GRAMD1B: variants seen among roughly 807,000 people sequenced by gnomAD.
GRAMD1B encodes GRAM domain containing 1B.
Under a neutral mutation model 99.7 loss-of-function variants are expected in GRAMD1B, and 37 were observed. The ratio of observed to expected loss-of-function variants is 0.37; its 90% CI spans 0.29 to 0.49. The LOEUF (loss-of-function observed/expected upper bound fraction) is 0.49. GRAMD1B is among the 20% of genes least tolerant of loss of function. The probability of loss-of-function intolerance (pLI) is 0.98; values close to 1 mark genes in which losing one functional copy is unlikely to be tolerated. For synonymous variants in GRAMD1B, 427 were observed against 387.6 expected, an observed-to-expected ratio of 1.10 and a Z score of -1.19; for missense variants, 888 against 1,009.2, an observed-to-expected ratio of 0.88 and a Z score of 1.63.
chr11:123,609,544 G>A lies in GRAMD1B; in HGVS notation c.1658-251G>A, dbSNP rs1036025710. Among the ~76,000 whole-genome samples, 6 of 152,202 alleles carry A rather than the reference G, an allele frequency of 3.9e-5. No homozygotes were observed. The South Asian group carries it at 1.0e-3, about 26-fold the overall frequency. ...CCCGTAGGTGGCCCCAAGACCTCCT[G>A]TCCCAGCCCCAGGAACAATCAGCAT... On this transcript the variant is annotated intron_variant, in intron 12 of 19. Transcript: ENST00000635736.
chr11:123,381,049 G>T (rs935754753), intron 1 of GRAMD1B, among the ~76,000 whole-genome samples: 8 of 152,076 alleles, frequency 5.3e-5, no homozygotes, highest in Non-Finnish European at 2.9e-5. Context: ...CCTGATCAGA[G>T]GTAGGGGATT....
chr11:123,378,249 C>A lies in GRAMD1B; in HGVS notation c.-176+19450C>A, dbSNP rs770297073. On this transcript the variant is annotated intron_variant, in intron 1 of 20. Transcript: ENST00000638157. Reference sequence around the variant, plus strand: ...ATTGGCACCCAGGTTGATCTGACTTCAAAGCCTGCATTTTTTTTACTGCCT... The same window carrying A: ...ATTGGCACCCAGGTTGATCTGACTTAAAAGCCTGCATTTTTTTTACTGCCT... Among the ~76,000 whole-genome samples, 15 of 152,172 alleles carry A rather than the reference C, an allele frequency of 9.9e-5. No individual in the cohort carries two copies. The South Asian group carries it at 1.7e-3, about 17-fold the overall frequency.
At chr11:123,494,392 G>C (rs1339107812) in intron 2 of GRAMD1B, among the ~76,000 whole-genome samples, 1 of 150,440 alleles carries the variant, frequency 6.6e-6, no homozygotes, top group Non-Finnish European at 1.5e-5. Flanking sequence ...GGGGTCACAT[G>C]GTCTTGTGGA....
At chr11:123,599,530 T>C (rs531425963) in intron 7 of GRAMD1B, 1 of 518,780 alleles carries the variant, frequency 1.9e-6, no homozygotes, top group East Asian at 4.5e-5. Context: ...TGGAGTGCAG[T>C]AGCACTATCT....
At chr11:123,370,671 C>G (rs1405568740) in intron 1 of GRAMD1B, among the ~76,000 whole-genome samples, 1 of 152,072 alleles carries the variant, frequency 6.6e-6, no homozygotes, top group Non-Finnish European at 1.5e-5. Context: ...ATTATATTTC[C>G]TCTCTGAAGA....
intron 1 of GRAMD1B, among the ~76,000 whole-genome samples, chr11:123,368,694 A>AAAG (rs1946413448): frequency 1.3e-5 from 2 of 150,368 alleles, no homozygotes; most frequent in Non-Finnish European, 1.5e-5. Flanking sequence ...AAAAAAAAAA[A>AAAG]AAAAAAAAGA....
intron 1 of GRAMD1B, among the ~76,000 whole-genome samples, chr11:123,457,141 T>TAGAAAGAAAGAAAGAA (rs1383562713): frequency 8.7e-5 from 6 of 68,986 alleles, no homozygotes; most frequent in African/African-American, 2.5e-4. Context: ...AAGAAAGAAT[T>TAGAAAGAAAGAAAGAA]AGAACAGTTT....
rs772746624 is a variant in GRAMD1B, at chr11:123,494,419, C to CT, written c.452+13542dup. The stretch of plus-strand genomic sequence containing the variant: ...TCTTGTGGAAGACAGCACTTAAGGC[C>CT]TTTTTTTTTTTTTTTTAGGTCTGAG... On this transcript the variant is annotated intron_variant, in intron 2 of 19. Transcript: ENST00000635736. Among the ~76,000 whole-genome samples the CT allele has an allele frequency of 3.4e-3, 472 of 138,602 alleles. 1 individual carries two copies. The highest frequency in any genetic ancestry group is 0.012 in the East Asian group (57 of 4,880). The allele number at this position is 138,602 out of a possible 152,430, so 90.9% of individuals were successfully genotyped here.
Position 123,480,877 on chromosome 11 carries a change from C to G in GRAMD1B, c.436C>G (p.Arg146Gly), listed in dbSNP as rs1161452658. The G allele has an allele frequency of 5.0e-6, 2 of 396,538 alleles. No individual in the cohort carries two copies. The highest frequency in any genetic ancestry group is 8.9e-6 in the Non-Finnish European group (2 of 225,928). 24.6% of individuals were successfully genotyped at this position (396,538 alleles called of 1,614,324 possible). A position where few individuals can be genotyped will look rare whatever the true frequency, so the allele number is the denominator to read the frequency against. ...TGATTCTAGCAGGTTCCTGAGTCCT[C>G]GAGCGCGGGAAGAAAGGTAAGGTCC... ...DDDSSRFLSP[R>G]AREESTASNS... Residue 146 changes from arginine (R) to glycine (G), a missense_variant, in exon 2 of 20, where the codon CGA becomes GGA. Arg to Gly is a moderately radical substitution (Grantham distance 125). Around this residue, in one of 5 missense-constraint regions of GRAMD1B, gnomAD observed 233 missense variants for 154.6 expected, o/e 1.51. Transcript: ENST00000635736.
At chr11:123,427,169 C>T (rs140091628), upstream of GRAMD1B, among the ~76,000 whole-genome samples, 24 of 152,276 alleles carry the variant, frequency 1.6e-4, no homozygotes, top group East Asian at 4.6e-3. Context: ...CAAGTGCAAT[C>T]GCTGAGATTC....
intron 19 of GRAMD1B, among the ~76,000 whole-genome samples, chr11:123,621,811 T>G (rs193125582): frequency 1.3e-5 from 2 of 149,460 alleles, no homozygotes; most frequent in African/African-American, 2.4e-5. Flanking sequence ...GATCTAGCAC[T>G]GAGACCCAGT....
chr11:123,586,112 C>T (rs530917165), intron 4 of GRAMD1B, among the ~76,000 whole-genome samples: 4 of 152,282 alleles, frequency 2.6e-5, no homozygotes, highest in East Asian at 1.9e-4. Flanking sequence ...CCTTAGCCTC[C>T]GCCTGAGTAC....
intron 17 of GRAMD1B, chr11:123,618,336 T>C: frequency 6.2e-7 from 1 of 1,612,682 alleles, no homozygotes; most frequent in Non-Finnish European, 8.5e-7. Context: ...TCTTCCTTGC[T>C]CCCATTAGGA....
chr11:123,544,790 A>G (rs1161857688), intron 2 of GRAMD1B, among the ~76,000 whole-genome samples: 1 of 152,254 alleles, frequency 6.6e-6, no homozygotes, highest in Non-Finnish European at 1.5e-5. Context: ...AGTGCCAAAA[A>G]GGCAGCCTCT....
chr11:123,387,987 G>A (rs1167829994), intron 1 of GRAMD1B, among the ~76,000 whole-genome samples: 1 of 151,864 alleles, frequency 6.6e-6, no homozygotes, highest in Non-Finnish European at 1.5e-5. Flanking sequence ...TTAGCCAGGT[G>A]TGGTGGCAGG....
At chr11:123,585,777 C>A (rs376726504) in intron 4 of GRAMD1B, among the ~76,000 whole-genome samples, 1 of 152,220 alleles carries the variant, frequency 6.6e-6, no homozygotes, top group South Asian at 2.1e-4. Flanking sequence ...ACAGGACCCA[C>A]GTGGCTGCAG....
chr11:123,557,524 G>T (rs938635920), intron 2 of GRAMD1B, among the ~76,000 whole-genome samples: 3 of 152,162 alleles, frequency 2.0e-5, no homozygotes, highest in African/African-American at 7.2e-5. Flanking sequence ...AGTAGCTATT[G>T]CTTTTGACCA....
Position 123,511,483 on chromosome 11 carries a change from G to C in GRAMD1B, c.452+30590G>C, listed in dbSNP as rs567570748. 2.0e-5 allele frequency among the ~76,000 whole-genome samples: 3 copies of C among 152,174 alleles called. No homozygotes were observed. In the East Asian group the frequency reaches 5.8e-4, roughly 30 times the overall value. ...GGCTCCTGCTTGCAATTTGAAATTT[G>C]CTTTCCTGTGTATTTTTCCAGACAA... On this transcript the variant is annotated intron_variant, in intron 2 of 19. Transcript: ENST00000635736.
intron 11 of GRAMD1B, 191 bp from the exon 12 acceptor site, chr11:123,608,468 C>T: frequency 1.3e-6 from 2 of 1,516,294 alleles, no homozygotes; most frequent in East Asian, 4.9e-5. Context: ...TGCATCCCAG[C>T]AAAAGAAAGA....
Sources: gnomAD v4.1 joint callset for allele counts (sites outside exome capture counted in the v4.1 genomes callset) on GRCh38, gnomAD v4.1.1 for gene constraint, gnomAD v4.1.1 regional missense constraint, MANE v1.5 for transcripts, NCBI Gene and HGNC (gene_info 2026-07-23, HGNC 2026-07-21) for gene names.